The following ITIH4 variants were observed in gnomAD, a reference collection of about 807,000 sequenced individuals.
ITIH4 encodes inter-alpha-trypsin inhibitor heavy chain 4.
A neutral mutation model predicts 111.8 loss-of-function variants in ITIH4; 79 were observed. The observed-to-expected ratio is 0.71, with a 90% CI of 0.59 to 0.85. The LOEUF (loss-of-function observed/expected upper bound fraction) is 0.85, where lower values mean the gene tolerates loss of function less well. ITIH4 is among the 40% of genes least tolerant of loss of function. The probability of loss-of-function intolerance (pLI) is 0.00; values close to 1 mark genes in which losing one functional copy is unlikely to be tolerated. For missense variants in ITIH4, 1,065 were observed against 1,195.8 expected, an observed-to-expected ratio of 0.89 and a Z score of 1.61; for synonymous variants, 472 against 468.3, an observed-to-expected ratio of 1.01 and a Z score of -0.10.
chr3:52,821,317 A>G (rs2154111393), intron 11 of ITIH4, among the ~76,000 whole-genome samples, 187 bp from the exon 12 acceptor site: 1 of 152,276 alleles, frequency 6.6e-6, no homozygotes, highest in East Asian at 1.9e-4. Flanking sequence ...CACAGAGCAT[A>G]CAGGGATGAG....
intron 2 of ITIH4, among the ~76,000 whole-genome samples, chr3:52,827,616 TC>T (rs1700505526): frequency 6.6e-6 from 1 of 152,216 alleles, no homozygotes; most frequent in Admixed American, 6.5e-5. Flanking sequence ...TCACACTTGT[TC>T]CCAGCCCTGC....
In ITIH4 at chr3:52,820,305, C is replaced by G; in HGVS notation, c.1847G>C (p.Arg616Thr). ...TCGCTGCTTACCTGAGTGGACATTC[C>G]TGTTTCTACTTTCTGGATAAAACAA... is the stretch of plus-strand genomic sequence containing the variant. ...EKPMEGESRN[R>T]NVHSGSTFFK... is the part of the protein sequence containing the mutation. The change falls in exon 14 of 24, where the codon AGG becomes ACG. Residue 616 changes from arginine to threonine, a missense_variant. Transcript: ENST00000266041. The G allele has an allele frequency of 2.5e-6, 4 of 1,614,034 alleles. No individual in the cohort carries two copies. The highest frequency in any genetic ancestry group is 3.4e-6 in the Non-Finnish European group (4 of 1,179,996).
At position 52,827,214 on chromosome 3, in the gene ITIH4, G is replaced by A. The variant is rs777350188; in HGVS notation, c.252-17C>T. The A allele has an allele frequency of 6.2e-6, 10 of 1,601,584 alleles. No homozygotes were observed. The highest frequency in any genetic ancestry group is 5.4e-5 in the African/African-American group (4 of 74,698). Reference sequence around the variant, plus strand: ...TCGATGATCCTGGGGGCAGAAGGGTGGGAGTTGTTGAGAGCCTGGTGGCAG... The same window carrying A: ...TCGATGATCCTGGGGGCAGAAGGGTAGGAGTTGTTGAGAGCCTGGTGGCAG... On this transcript the variant is annotated splice_polypyrimidine_tract_variant and intron_variant, in intron 2 of 23. Transcript: ENST00000266041.
At chr3:52,829,309 G>C (rs201383487) in intron 1 of ITIH4, 30 bp from the exon 2 acceptor site, 1,144 of 1,584,898 alleles carry the variant, frequency 7.2e-4, no homozygotes, top group Non-Finnish European at 9.1e-4. Context: ...GGGGGTTGCA[G>C]GGTTTCAATG....
chr3:52,822,077 C>T (rs981320285), intron 11 of ITIH4, among the ~76,000 whole-genome samples: 32 of 152,350 alleles, frequency 2.1e-4, no homozygotes, highest in Non-Finnish European at 1.5e-5. Flanking sequence ...GGTGCGGTGG[C>T]TCACGCCTGT....
intron 17 of ITIH4, 180 bp downstream of exon 17, chr3:52,819,213 A>G: frequency 4.5e-6 from 3 of 660,296 alleles, no homozygotes; most frequent in Non-Finnish European, 7.7e-6. Context: ...ATGCACTCCC[A>G]CCCCAGCCCC....
At chr3:52,829,559 G>A (rs751837210) in intron 1 of ITIH4, among the ~76,000 whole-genome samples, 8 of 152,212 alleles carry the variant, frequency 5.3e-5, no homozygotes, top group Non-Finnish European at 1.0e-4. Context: ...GCACCCCTTG[G>A]AGAAGAACAA....
chr3:52,819,641 G>A (rs1559479230), intron 16 of ITIH4, 113 bp downstream of exon 16: 7 of 1,571,538 alleles, frequency 4.5e-6, no homozygotes, highest in African/African-American at 1.4e-5. Flanking sequence ...CCCCACACCC[G>A]GCCAACTTGG....
rs149856510 is a variant in ITIH4 at position 52,828,372 on chromosome 3, C to T, written c.251+747G>A. Among the ~76,000 whole-genome samples, 1,113 of 152,312 alleles carry T rather than the reference C, an allele frequency of 7.3e-3. 116 individuals are homozygous for T. The South Asian group carries it at 0.21, about 28-fold the overall frequency. ...CTGCGGTGGAGTGGGGGATGCTTGG[C>T]GCCTGAGGGAGGAGACTAGCCCCCA... is the stretch of plus-strand genomic sequence containing the variant. On this transcript the variant is annotated intron_variant, in intron 2 of 23. Coordinates refer to ENST00000266041, the MANE Select transcript of ITIH4 (RefSeq NM_002218.5).
At chr3:52,814,737 C>G (rs1700250419) in intron 21 of ITIH4, among the ~76,000 whole-genome samples, 1 of 152,100 alleles carries the variant, frequency 6.6e-6, no homozygotes, top group Non-Finnish European at 1.5e-5. Context: ...CAGGTACATG[C>G]CACCATGTCC....
chr3:52,815,468 C>G (rs996045518), intron 21 of ITIH4, among the ~76,000 whole-genome samples: 1 of 151,894 alleles, frequency 6.6e-6, no homozygotes, highest in Non-Finnish European at 1.5e-5. Context: ...TCTCCAATTC[C>G]TGACCTTAGG....
At chr3:52,829,008 A>G in intron 2 of ITIH4, 111 bp downstream of exon 2, 7 of 1,004,252 alleles carry the variant, frequency 7.0e-6, no homozygotes, top group Non-Finnish European at 1.0e-5. Flanking sequence ...GTACTCCTGA[A>G]GATGTACACC....
rs147682173 is a variant in ITIH4, at chr3:52,829,428, C to T, written c.91-149G>A. ...CCACTGACCAGGCCTCAGGCTGAAC[C>T]CAGTGAGGCATCTCATATGTGAACA... On this transcript the variant is annotated intron_variant, in intron 1 of 23. Transcript: ENST00000266041. 5.8e-4 allele frequency: 434 copies of T among 754,674 alleles called. 1 individual carries two copies. In the African/African-American group the frequency reaches 6.7e-3, roughly 12 times the overall value. 46.7% of individuals were successfully genotyped at this position (754,674 alleles called of 1,614,324 possible). A position where few individuals can be genotyped will look rare whatever the true frequency, so the allele number is the denominator to read the frequency against.
At position 52,819,838 on chromosome 3, in the gene ITIH4, G is replaced by C. The variant is rs539637376; in HGVS notation, c.1913-46C>G. 8.0e-5 allele frequency: 129 copies of C among 1,610,402 alleles called. No homozygotes were observed. In the South Asian group the frequency reaches 1.1e-3, roughly 13 times the overall value. ...CAGATACAACTGAACTGAGGCCCGA[G>C]GGCTGTCACCAGCCAGAGGAGCTGG... On this transcript the variant is annotated intron_variant, in intron 15 of 23. Coordinates refer to ENST00000266041, the MANE Select transcript of ITIH4 (RefSeq NM_002218.5).
rs758588423 is a variant in ITIH4 at position 52,821,105 on chromosome 3, G to A, written c.1565C>T (p.Thr522Met). 10 of 1,613,606 alleles carry A rather than the reference G, an allele frequency of 6.2e-6. No individual in the cohort carries two copies. The highest frequency in any genetic ancestry group is 3.3e-5 in the South Asian group (3 of 91,064). ...CTCCTGCTCTGCCACACTGGACTCC[G>A]TTTGGAAAGTGATGTTCTGTGTAGG... ...KLPTQNITFQ[T>M]ESSVAEQEAE... Residue 522 changes from threonine to methionine, a missense_variant, in exon 12 of 24, where the codon ACG (threonine) becomes ATG (methionine). Physicochemically the swap from Thr to Met is moderately conservative, Grantham distance 81. Coordinates refer to ENST00000266041, the MANE Select transcript of ITIH4 (RefSeq NM_002218.5).
intron 2 of ITIH4, among the ~76,000 whole-genome samples, chr3:52,827,761 G>C (rs1328845816): frequency 2.6e-5 from 4 of 152,242 alleles, no homozygotes; most frequent in Non-Finnish European, 4.4e-5. Context: ...TGGCATATCT[G>C]GAAGGAGGTT....
chr3:52,813,387 G>A lies in ITIH4; in HGVS notation c.*34C>T, dbSNP rs1405411227. The A allele has an allele frequency of 1.2e-6, 2 of 1,601,940 alleles. No homozygotes were observed. The highest frequency in any genetic ancestry group is 3.3e-5 in the Admixed American group (2 of 59,990). On this transcript the variant is annotated 3_prime_UTR_variant, in exon 24 of 24. Coordinates refer to ENST00000266041, the MANE Select transcript of ITIH4 (RefSeq NM_002218.5). The stretch of plus-strand genomic sequence containing the variant: ...CCCTGCAGTTGCAGGGGGAAGCCAA[G>A]TGTACAGGGTGGGCACAGCTCCTTC...
At chr3:52,815,776 T>G (rs1389576254) in intron 21 of ITIH4, among the ~76,000 whole-genome samples, 1 of 151,596 alleles carries the variant, frequency 6.6e-6, no homozygotes, top group Non-Finnish European at 1.5e-5. Flanking sequence ...CACTGCAACC[T>G]CCATCTCCCA....
At chr3:52,826,417 A>G in intron 5 of ITIH4, 124 bp downstream of exon 5, 6 of 717,338 alleles carry the variant, frequency 8.4e-6, no homozygotes, top group Non-Finnish European at 1.2e-5. Context: ...AGATCTCAGG[A>G]GCCTCTCCAG....
Sources: allele counts gnomAD v4.1 joint callset (sites outside exome capture counted in the v4.1 genomes callset), GRCh38; gene constraint gnomAD v4.1.1; transcripts MANE v1.5; gene names NCBI Gene and HGNC (gene_info 2026-07-23, HGNC 2026-07-21).